Variants in CNN3 observed in about 807,000 individuals in gnomAD.
CNN3 encodes calponin-3.
A neutral mutation model predicts 39.0 loss-of-function variants in CNN3; 11 were observed. The ratio of observed to expected loss-of-function variants is 0.28; its 90% CI spans 0.18 to 0.47. CNN3 has a LOEUF of 0.47. Ranked by LOEUF, CNN3 falls within the 20% of genes least tolerant of loss-of-function variation. CNN3 has a pLI of 0.99. For synonymous variants in CNN3, 101 were observed against 138.3 expected, an observed-to-expected ratio of 0.73 and a Z score of 1.89; for missense variants, 266 against 403.4, an observed-to-expected ratio of 0.66 and a Z score of 2.92.
intron 1 of CNN3, among the ~76,000 whole-genome samples, chr1:94,918,621 C>T (rs1208108896): frequency 2.6e-5 from 4 of 151,614 alleles, no homozygotes; most frequent in South Asian, 2.1e-4. Context: ...AGGCTGGGTG[C>T]GGTGGCTCAC....
intron 5 of CNN3, among the ~76,000 whole-genome samples, chr1:94,899,857 T>A (rs535352333): frequency 6.6e-6 from 1 of 152,354 alleles, no homozygotes; most frequent in Admixed American, 6.5e-5. Context: ...CTTCGGTTAT[T>A]TCAACAGAAG....
intron 1 of CNN3, among the ~76,000 whole-genome samples, chr1:94,922,738 C>T (rs1014077352): frequency 1.3e-5 from 2 of 152,068 alleles, no homozygotes; most frequent in Non-Finnish European, 2.9e-5. Flanking sequence ...AAAGCGCACC[C>T]GGCAAACAAG....
In CNN3 at chr1:94,903,581, G is replaced by A. The variant is rs199511791; in HGVS notation, c.58-57C>T. The A allele has an allele frequency of 1.5e-4, 237 of 1,606,354 alleles. No homozygotes were observed. In the Middle Eastern group the frequency reaches 3.5e-3, roughly 24 times the overall value. ...TTTCACAAAAGCATCAGAAACTGCC[G>A]ACTCACAACGCGCTCTGCTTTCACT... On this transcript the variant is annotated intron_variant, in intron 1 of 6. Transcript: ENST00000370206.
intron 1 of CNN3, among the ~76,000 whole-genome samples, chr1:94,905,234 C>A (rs573695095): frequency 1.3e-5 from 2 of 152,158 alleles, no homozygotes; most frequent in Non-Finnish European, 2.9e-5. Flanking sequence ...AGATTCAAAG[C>A]GTACACTTGA....
At chr1:94,906,046 G>A (rs1323632308) in intron 1 of CNN3, among the ~76,000 whole-genome samples, 1 of 152,100 alleles carries the variant, frequency 6.6e-6, no homozygotes, top group Non-Finnish European at 1.5e-5. Flanking sequence ...GCAGTGGCGT[G>A]AACTCAGCTC....
intron 1 of CNN3, among the ~76,000 whole-genome samples, chr1:94,904,748 C>A (rs985713482): frequency 7.2e-6 from 1 of 138,282 alleles, no homozygotes; most frequent in Admixed American, 7.4e-5. Flanking sequence ...CCCTGTCTCC[C>A]GCCCCACTGC....
chr1:94,910,577 C>T (rs958662252), intron 1 of CNN3, among the ~76,000 whole-genome samples: 4 of 152,138 alleles, frequency 2.6e-5, no homozygotes, highest in African/African-American at 7.2e-5. Flanking sequence ...CCTGTCTCTC[C>T]GCAATGAATC....
chr1:94,926,949 C>T lies in CNN3; in HGVS notation c.-55G>A. On this transcript the variant is annotated 5_prime_UTR_variant, in exon 1 of 7. Coordinates refer to ENST00000370206, the MANE Select transcript of CNN3 (RefSeq NM_001839.5). The surrounding 1 kb of genome is among the most constrained non-coding windows in gnomAD (Gnocchi z 4.2). Reference sequence around the variant, plus strand: ...CTGGGGTCCGGGGTCTCTCGCACTTCGCTTCCCCGCTCCTGGCCCCGAGGA... The same window carrying T: ...CTGGGGTCCGGGGTCTCTCGCACTTTGCTTCCCCGCTCCTGGCCCCGAGGA... 2.5e-6 allele frequency: 4 copies of T among 1,572,110 alleles called. No individual in the cohort carries two copies. The highest frequency in any genetic ancestry group is 1.1e-5 in the South Asian group (1 of 88,298).
intron 5 of CNN3, among the ~76,000 whole-genome samples, chr1:94,899,825 T>A (rs1670817667): frequency 6.6e-6 from 1 of 152,246 alleles, no homozygotes; most frequent in Admixed American, 6.5e-5. Context: ...TTTCCCCAGA[T>A]AACCAAATTA....
In CNN3 at chr1:94,903,205, G is replaced by A; in HGVS notation, c.180-17C>T. ...TTTATAAGTCTGAAAAGAAAAATAT[G>A]AGAGACATCTTATTTACTGGCACAC... is the stretch of plus-strand genomic sequence containing the variant. On this transcript the variant is annotated splice_polypyrimidine_tract_variant and intron_variant, in intron 2 of 6. Coordinates refer to ENST00000370206, the MANE Select transcript of CNN3 (RefSeq NM_001839.5). The A allele has an allele frequency of 1.2e-6, 2 of 1,608,880 alleles. No individual in the cohort carries two copies. Among genetic ancestry groups the A allele is most frequent in the Non-Finnish European group, 1.7e-6 (2 of 1,178,112 alleles).
At chr1:94,923,579 A>G (rs1378923335) in intron 1 of CNN3, among the ~76,000 whole-genome samples, 1 of 151,604 alleles carries the variant, frequency 6.6e-6, no homozygotes, top group East Asian at 1.9e-4. Context: ...GCCATGTATT[A>G]TCATCTTACC....
chr1:94,902,036 C>A, intron 4 of CNN3, 85 bp downstream of exon 4: 1 of 1,235,662 alleles, frequency 8.1e-7, no homozygotes, highest in Non-Finnish European at 1.2e-6. Context: ...CCCACCTGGT[C>A]TGAACCCCCA....
At chr1:94,906,198 G>A (rs1670996504) in intron 1 of CNN3, among the ~76,000 whole-genome samples, 1 of 151,872 alleles carries the variant, frequency 6.6e-6, no homozygotes, top group Non-Finnish European at 1.5e-5. Flanking sequence ...GGCCAGCCTG[G>A]TCTCGAACTC....
At chr1:94,911,539 C>G (rs1054329065) in intron 1 of CNN3, among the ~76,000 whole-genome samples, 9 of 152,070 alleles carry the variant, frequency 5.9e-5, no homozygotes, top group African/African-American at 2.2e-4. Context: ...TTTGGGAGGC[C>G]AACACTGGAG....
chr1:94,926,467 G>T lies in CNN3; in HGVS notation c.57+371C>A, dbSNP rs1399493476. 2.0e-5 allele frequency among the ~76,000 whole-genome samples: 3 copies of T among 152,162 alleles called. No individual in the cohort carries two copies. Among genetic ancestry groups the T allele is most frequent in the Admixed American group, 2.0e-4 (3 of 15,284 alleles). On this transcript the variant is annotated intron_variant, in intron 1 of 6. Coordinates refer to ENST00000370206, the MANE Select transcript of CNN3 (RefSeq NM_001839.5). This position sits in a 1 kb window ranked among gnomAD's most constrained non-coding sequence, Gnocchi z 4.2. ...GTCCCTGGCCGCGCAGACGGGCTCC[G>T]CCTAAGGGCGAGTGGCCACGCAGGA... is the stretch of plus-strand genomic sequence containing the variant.
intron 1 of CNN3, among the ~76,000 whole-genome samples, chr1:94,904,499 C>T (rs1411076659): frequency 6.6e-6 from 1 of 152,088 alleles, no homozygotes; most frequent in South Asian, 2.1e-4. Context: ...CCTGTAATCT[C>T]GGCACTTTGG....
rs1671568044 is a variant in CNN3 at position 94,926,043 on chromosome 1, A to G, written c.57+795T>C. Reference sequence around the variant, plus strand: ...GCAAAGCTGAGCGTCACCAAATCCCAATCGCTCCAAACTATAAGCCGCCTC... The same window carrying G: ...GCAAAGCTGAGCGTCACCAAATCCCGATCGCTCCAAACTATAAGCCGCCTC... On this transcript the variant is annotated intron_variant, in intron 1 of 6. Transcript: ENST00000370206. The surrounding 1 kb of genome is among the most constrained non-coding windows in gnomAD (Gnocchi z 4.2). 6.6e-6 allele frequency among the ~76,000 whole-genome samples: 1 copy of G among 152,138 alleles called. No homozygotes were observed. Among genetic ancestry groups the G allele is most frequent in the South Asian group, 2.1e-4 (1 of 4,824 alleles).
At chr1:94,910,768 G>A (rs561168652) in intron 1 of CNN3, among the ~76,000 whole-genome samples, 11 of 152,204 alleles carry the variant, frequency 7.2e-5, no homozygotes, top group East Asian at 3.9e-4. Context: ...GGAACCCACC[G>A]CAATACCTGA....
chr1:94,898,240 C>A (rs1278241855), intron 6 of CNN3, among the ~76,000 whole-genome samples, 157 bp from the exon 7 acceptor site: 1 of 152,188 alleles, frequency 6.6e-6, no homozygotes, highest in Non-Finnish European at 1.5e-5. Flanking sequence ...TATCCTGATA[C>A]CGAATCACTT....
Sources: allele counts gnomAD v4.1 joint callset (sites outside exome capture counted in the v4.1 genomes callset), GRCh38; gene constraint gnomAD v4.1.1; non-coding constraint Gnocchi (gnomAD v3.1); transcripts MANE v1.5; gene names NCBI Gene and HGNC (gene_info 2026-07-23, HGNC 2026-07-21).